The following LRP1B variants were observed in gnomAD, a reference collection of about 807,000 sequenced individuals.
The protein encoded by LRP1B is LDL receptor related protein 1B.
LRP1B carries 217 observed loss-of-function variants against 556.6 expected under a neutral mutation model. That is an observed-to-expected ratio of 0.39 (90% CI 0.35 to 0.44). The LOEUF is 0.44. Among genes scored for constraint, LRP1B ranks in the 20% least tolerant of loss-of-function variants. The pLI is 1.00. For missense variants in LRP1B, 5,053 were observed against 5,620.8 expected (o/e 0.90, Z 3.23); for synonymous variants, 2,047 against 1,865.8 (o/e 1.10, Z -2.50).
At chr2:141,321,299 T>C (rs1687231866) in intron 3 of LRP1B, among the ~76,000 whole-genome samples, 1 of 152,080 alleles carries the variant, frequency 6.6e-6, no homozygotes, top group South Asian at 2.1e-4. Flanking sequence ...CATTGGCTTG[T>C]AAAACTAAAA....
intron 1 of LRP1B, among the ~76,000 whole-genome samples, chr2:141,927,463 G>C (rs575991343): frequency 1.3e-5 from 2 of 151,912 alleles, no homozygotes; most frequent in Non-Finnish European, 2.9e-5. Flanking sequence ...TCCATATTTT[G>C]CTCATCAGAT....
chr2:141,095,206 T>C (rs994530646), intron 7 of LRP1B, among the ~76,000 whole-genome samples: 4 of 151,112 alleles, frequency 2.6e-5, no homozygotes, highest in Non-Finnish European at 4.4e-5. Flanking sequence ...TTATTAAAAA[T>C]TACCCAGTCC....
At chr2:141,938,535 C>T (rs566017299) in intron 1 of LRP1B, among the ~76,000 whole-genome samples, 1 of 152,036 alleles carries the variant, frequency 6.6e-6, no homozygotes, top group African/African-American at 2.4e-5. Context: ...TATGGAGAGT[C>T]CTCAACAAGC....
At chr2:141,382,828 T>C (rs1689688988) in intron 3 of LRP1B, among the ~76,000 whole-genome samples, 1 of 152,168 alleles carries the variant, frequency 6.6e-6, no homozygotes, top group South Asian at 2.1e-4. Flanking sequence ...GATTTTTTGA[T>C]ATGACATCCA....
chr2:140,581,594 G>A (rs1478210619), intron 43 of LRP1B, among the ~76,000 whole-genome samples: 1 of 151,288 alleles, frequency 6.6e-6, no homozygotes, highest in South Asian at 2.1e-4. Context: ...GCTTTGAATT[G>A]TTCTTTAAAT....
intron 1 of LRP1B, among the ~76,000 whole-genome samples, chr2:142,030,726 A>G (rs1703663481): frequency 6.6e-6 from 1 of 151,812 alleles, no homozygotes; most frequent in Admixed American, 6.6e-5. Flanking sequence ...TAAGATTTTT[A>G]TTAGAGATGA....
chr2:140,741,822 C>G lies in LRP1B; in HGVS notation c.5759-25006G>C, dbSNP rs142175811. Among the ~76,000 whole-genome samples the G allele has an allele frequency of 9.9e-5, 15 of 152,134 alleles. No homozygotes were observed. The East Asian group carries it at 2.7e-3, about 28-fold the overall frequency. ...TTCCTTCTTTGTATCTATATGTGCT[C>G]AATGCTTAGCTCCCAAATGTAAGTG... On this transcript the variant is annotated intron_variant, in intron 35 of 90. Coordinates refer to ENST00000389484, the MANE Select transcript of LRP1B (RefSeq NM_018557.3).
At chr2:140,821,761 G>A (rs1691336327) in intron 31 of LRP1B, among the ~76,000 whole-genome samples, 5 of 152,284 alleles carry the variant, frequency 3.3e-5, no homozygotes, top group South Asian at 2.1e-4. Context: ...GAGGCCGGGC[G>A]CCATGGCTCA....
At chr2:141,640,114 C>T (rs778778835) in intron 2 of LRP1B, among the ~76,000 whole-genome samples, 2 of 152,100 alleles carry the variant, frequency 1.3e-5, no homozygotes. Flanking sequence ...AAACAGCAAA[C>T]CAAAGAAAAA....
At chr2:141,494,807 C>G (rs529410368) in intron 2 of LRP1B, among the ~76,000 whole-genome samples, 1 of 135,270 alleles carries the variant, frequency 7.4e-6, no homozygotes, top group Admixed American at 8.0e-5. Context: ...ACACAGAAAA[C>G]AATGAGATTC....
Position 140,851,634 on chromosome 2 carries a change from G to A in LRP1B, c.4711+18C>T, listed in dbSNP as rs1449840431. On this transcript the variant is annotated intron_variant, in intron 28 of 90. Transcript: ENST00000389484. ...TCAATTTTGTTTTTATTTTCGATTA[G>A]AACTGTAAGAAATTTACCATAGCAG... The A allele has an allele frequency of 1.9e-6, 3 of 1,601,904 alleles. No homozygotes were observed. The highest frequency in any genetic ancestry group is 2.6e-6 in the Non-Finnish European group (3 of 1,176,042).
intron 1 of LRP1B, among the ~76,000 whole-genome samples, chr2:142,038,043 C>T (rs775093911): frequency 6.6e-6 from 1 of 151,402 alleles, no homozygotes; most frequent in African/African-American, 2.4e-5. Context: ...TCTACTAGAT[C>T]CAGTTCTATT....
chr2:140,488,239 T>C (rs916901777), intron 57 of LRP1B, among the ~76,000 whole-genome samples: 1 of 146,934 alleles, frequency 6.8e-6, no homozygotes, highest in African/African-American at 2.4e-5. Flanking sequence ...CCCAAAGCTC[T>C]TGTCCCAACA....
intron 2 of LRP1B, among the ~76,000 whole-genome samples, chr2:141,544,391 C>CT (rs1685470313): frequency 3.5e-5 from 3 of 85,026 alleles, no homozygotes; most frequent in African/African-American, 1.0e-4. Context: ...TCTCCTCCTC[C>CT]TCCTCCTCCT....
intron 41 of LRP1B, among the ~76,000 whole-genome samples, chr2:140,661,032 C>T (rs1243961734): frequency 1.3e-5 from 2 of 151,978 alleles, no homozygotes; most frequent in Non-Finnish European, 2.9e-5. Context: ...CCCATTTGCC[C>T]TTCCCATTAT....
chr2:141,810,103 GAAAGAAAGAAAA>G lies in LRP1B; in HGVS notation c.205+164_205+175del, dbSNP rs1696293096. Among the ~76,000 whole-genome samples, 13 of 126,646 alleles carry G rather than the reference GAAAGAAAGAAAA, an allele frequency of 1.0e-4. 2 individuals are homozygous for G. The South Asian group carries it at 3.1e-3, about 30-fold the overall frequency. 83.1% of individuals were successfully genotyped at this position (126,646 alleles called of 152,430 possible). On this transcript the variant is annotated intron_variant, in intron 2 of 90. Transcript: ENST00000389484. ...TCTTAGGCTATTTGGAAAAAAGAAA[GAAAGAAAGAAAA>G]AGAAAGAAAGAAAGAAAGAAAGAAA...
chr2:140,796,943 CTTTATT>C (rs1690337382), intron 32 of LRP1B, among the ~76,000 whole-genome samples: 1 of 151,174 alleles, frequency 6.6e-6, no homozygotes, highest in African/African-American at 2.4e-5. Context: ...TCATGCTTCT[CTTTATT>C]TGTATTATCT....
At chr2:141,650,186 A>G (rs542733241) in intron 2 of LRP1B, among the ~76,000 whole-genome samples, 1 of 152,324 alleles carries the variant, frequency 6.6e-6, no homozygotes, top group East Asian at 1.9e-4. Context: ...TGTCAATATG[A>G]AAGATATAGT....
intron 3 of LRP1B, among the ~76,000 whole-genome samples, chr2:141,329,040 C>A (rs868754497): frequency 1.3e-5 from 2 of 152,244 alleles, no homozygotes; most frequent in South Asian, 4.1e-4. Flanking sequence ...ATTGCAATGA[C>A]CATATCATAA....
Sources: gnomAD v4.1 joint callset for allele counts (sites outside exome capture counted in the v4.1 genomes callset) on GRCh38, gnomAD v4.1.1 for gene constraint, MANE v1.5 for transcripts, NCBI Gene and HGNC (gene_info 2026-07-23, HGNC 2026-07-21) for gene names.